Variants in CAMK2B observed in about 807,000 individuals in gnomAD.
CAMK2B encodes calcium/calmodulin-dependent protein kinase type II subunit beta.
In CAMK2B, 27 loss-of-function variants were observed where a neutral mutation model predicts 93.7. The observed-to-expected ratio is 0.29, with a 90% confidence interval of 0.21 to 0.40. The LOEUF (loss-of-function observed/expected upper bound fraction) is 0.40. Among genes scored for constraint, CAMK2B ranks in the 10% least tolerant of loss-of-function variants. The pLI, the probability that CAMK2B is intolerant of heterozygous loss-of-function variation, is 1.00. For missense variants in CAMK2B, 568 were observed against 895.8 expected (o/e 0.63, Z 4.67); for synonymous variants, 374 against 358.8 (o/e 1.04, Z -0.48).
chr7:44,231,427 C>T (rs79282401), intron 16 of CAMK2B, among the ~76,000 whole-genome samples: 7,128 of 152,338 alleles, frequency 0.047, 209 homozygotes, highest in South Asian at 0.079. Flanking sequence ...CACATGAGGG[C>T]TCCACTTCTC....
chr7:44,259,190 C>T (rs967746274), intron 3 of CAMK2B, among the ~76,000 whole-genome samples: 4 of 152,224 alleles, frequency 2.6e-5, no homozygotes, highest in South Asian at 2.1e-4. Context: ...CCTCACCCTC[C>T]GCTGCCAGTC....
intron 12 of CAMK2B, 97 bp downstream of exon 12, chr7:44,240,610 G>T: frequency 7.3e-7 from 1 of 1,377,196 alleles, no homozygotes; most frequent in Non-Finnish European, 1.0e-6. Flanking sequence ...GCCTGCCGCA[G>T]AGGAGGAGTG....
intron 3 of CAMK2B, among the ~76,000 whole-genome samples, chr7:44,262,033 A>G (rs953182249): frequency 2.0e-5 from 3 of 152,200 alleles, no homozygotes; most frequent in Non-Finnish European, 1.5e-5. Context: ...GCTGGGTCCA[A>G]TGGGGCACCT....
In CAMK2B at chr7:44,312,566, G is replaced by A. The variant is rs1005906733; in HGVS notation, c.65+12791C>T. 1.4e-4 allele frequency among the ~76,000 whole-genome samples: 22 copies of A among 152,112 alleles called. No individual in the cohort carries two copies. Among genetic ancestry groups the A allele is most frequent in the Non-Finnish European group, 2.9e-4 (20 of 68,022 alleles). ...AGGGGCTGCCCCATAAAGTGAGGGG[G>A]GTGCCCAGTGGCCATCGTCACCACA... On this transcript the variant is annotated intron_variant, in intron 1 of 23. Transcript: ENST00000395749. The surrounding 1 kb of genome is among the most constrained non-coding windows in gnomAD (Gnocchi z 4.1).
At chr7:44,293,818 G>A (rs564089507) in intron 1 of CAMK2B, among the ~76,000 whole-genome samples, 52 of 152,240 alleles carry the variant, frequency 3.4e-4, no homozygotes, top group African/African-American at 1.1e-3. Context: ...GTACTGGTCC[G>A]TGGCCTGAGG....
intron 1 of CAMK2B, among the ~76,000 whole-genome samples, 195 bp from the exon 2 acceptor site, chr7:44,284,420 A>G (rs1235090907): frequency 1.3e-5 from 2 of 152,232 alleles, no homozygotes; most frequent in African/African-American, 4.8e-5. Flanking sequence ...GGCCCCACTC[A>G]ACACCAGCAG....
At chr7:44,253,998 G>A (rs1475637451) in intron 5 of CAMK2B, among the ~76,000 whole-genome samples, 2 of 152,028 alleles carry the variant, frequency 1.3e-5, no homozygotes, top group East Asian at 1.9e-4. Flanking sequence ...TGTCCCTGAG[G>A]TGAGATGTAC....
intron 4 of CAMK2B, among the ~76,000 whole-genome samples, chr7:44,256,962 A>G (rs1222947679): frequency 6.6e-6 from 1 of 152,322 alleles, no homozygotes; most frequent in East Asian, 1.9e-4. Context: ...GAAGGCACAC[A>G]TATGACTCCA....
At chr7:44,228,584 T>C (rs1227470386) in intron 19 of CAMK2B, among the ~76,000 whole-genome samples, 2 of 151,714 alleles carry the variant, frequency 1.3e-5, no homozygotes, top group African/African-American at 4.8e-5. Context: ...GCAGGAGCCG[T>C]GGAGGGGTCT....
intron 13 of CAMK2B, among the ~76,000 whole-genome samples, 157 bp from the exon 14 acceptor site, chr7:44,234,833 T>TG (rs534258771): frequency 2.6e-5 from 4 of 151,956 alleles, no homozygotes; most frequent in Non-Finnish European, 4.4e-5. Flanking sequence ...TCTGAGCAGG[T>TG]GGGGGGGCCA....
rs796732994 is a variant in CAMK2B at position 44,261,868 on chromosome 7, G to C, written c.220+1137C>G. Reference sequence around the variant, plus strand: ...GTCCTGGGTTACTAAGAGGAACCAGGGTGAAGAGTCCAGTCTGGATGCAGT... The same window carrying C: ...GTCCTGGGTTACTAAGAGGAACCAGCGTGAAGAGTCCAGTCTGGATGCAGT... On this transcript the variant is annotated intron_variant, in intron 3 of 23. Transcript: ENST00000395749. Among the ~76,000 whole-genome samples the C allele has an allele frequency of 3.9e-5, 6 of 152,338 alleles. No homozygotes were observed. The East Asian group carries it at 1.2e-3, about 29-fold the overall frequency.
intron 2 of CAMK2B, among the ~76,000 whole-genome samples, chr7:44,274,520 C>T (rs2097012922): frequency 6.6e-6 from 1 of 152,246 alleles, no homozygotes. Flanking sequence ...CCCGCTCCTG[C>T]CCAAGTCGTC....
intron 19 of CAMK2B, among the ~76,000 whole-genome samples, chr7:44,228,094 A>G (rs962452190): frequency 5.3e-5 from 8 of 151,842 alleles, no homozygotes; most frequent in Non-Finnish European, 1.0e-4. Context: ...GGCACCCTCC[A>G]GGGAGAGGCT....
intron 1 of CAMK2B, among the ~76,000 whole-genome samples, chr7:44,287,718 TATC>T (rs1223037840): frequency 2.6e-5 from 4 of 152,222 alleles, no homozygotes; most frequent in African/African-American, 9.6e-5. Flanking sequence ...CCTGGATCTG[TATC>T]ATAAGCCTGT....
intron 5 of CAMK2B, 137 bp from the exon 6 acceptor site, chr7:44,247,329 G>A (rs1323127858): frequency 4.2e-6 from 3 of 712,374 alleles, no homozygotes; most frequent in Admixed American, 2.1e-5. Flanking sequence ...AGGAGATGCT[G>A]GCCAGGAGGG....
Position 44,286,448 on chromosome 7 carries a change from GC to G in CAMK2B, c.66-2224del, listed in dbSNP as rs1346470497. Among the ~76,000 whole-genome samples the G allele has an allele frequency of 6.6e-6, 1 of 152,162 alleles. No homozygotes were observed. The highest frequency in any genetic ancestry group is 2.4e-5 in the African/African-American group (1 of 41,436). On this transcript the variant is annotated intron_variant, in intron 1 of 23. Transcript: ENST00000395749. The surrounding 1 kb of genome is among the most constrained non-coding windows in gnomAD (Gnocchi z 4.0). The stretch of plus-strand genomic sequence containing the variant: ...AAGCTGATGATGCCCGTATGGCACC[GC>G]TGTGTCGAGCCCGTCCCCGGAGCAG...
chr7:44,317,928 G>A (rs1795208673), intron 1 of CAMK2B, among the ~76,000 whole-genome samples: 1 of 152,116 alleles, frequency 6.6e-6, no homozygotes, highest in South Asian at 2.1e-4. Flanking sequence ...AGTGCCCATT[G>A]GAATCACCTG....
intron 2 of CAMK2B, among the ~76,000 whole-genome samples, chr7:44,272,312 G>A (rs1040354826): frequency 6.6e-6 from 1 of 152,112 alleles, no homozygotes; most frequent in African/African-American, 2.4e-5. Context: ...AAGGTGAGGT[G>A]GTGTCGAAGG....
At chr7:44,294,443 G>A (rs1452999713) in intron 1 of CAMK2B, among the ~76,000 whole-genome samples, 1 of 152,202 alleles carries the variant, frequency 6.6e-6, no homozygotes, top group Non-Finnish European at 1.5e-5. Context: ...AGAAGGCACT[G>A]GGCAGTGCTT....
Sources: gnomAD v4.1 joint callset for allele counts (sites outside exome capture counted in the v4.1 genomes callset) on GRCh38, gnomAD v4.1.1 for gene constraint, Gnocchi (gnomAD v3.1) non-coding constraint, MANE v1.5 for transcripts, NCBI Gene and HGNC (gene_info 2026-07-23, HGNC 2026-07-21) for gene names.